Variants in CAB39L observed in about 807,000 individuals in gnomAD.
CAB39L encodes calcium binding protein 39 like, also known as calcium-binding protein 39-like.
A neutral mutation model predicts 39.1 loss-of-function variants in CAB39L; 23 were observed. The observed-to-expected ratio is 0.59, with a 90% confidence interval of 0.42 to 0.83. CAB39L has a LOEUF of 0.83. Among genes scored for constraint, CAB39L ranks in the 40% least tolerant of loss-of-function variants. The pLI is 0.00. For missense variants in CAB39L, 366 were observed against 391.9 expected (o/e 0.93, Z 0.56); for synonymous variants, 126 against 137.2 (o/e 0.92, Z 0.57).
At position 49,344,222 on chromosome 13, in the gene CAB39L, T is replaced by C. The variant is rs1955081815; in HGVS notation, c.581A>G (p.His194Arg). The change falls in exon 8 of 11, where the codon CAT becomes CGT. Residue 194 changes from histidine (H) to arginine (R), a missense_variant. Physicochemically the swap from His to Arg is conservative, Grantham distance 29. Transcript: ENST00000409308. The part of the protein sequence containing the change: ...FATFKDLLTR[H>R]KVLVADFLEQ... ...TAAGAAGTCTGCTACCAACACTTTA[T>C]GTCTGGTTAGTAAATCCTAGAAAAA... 3 of 1,596,586 alleles carry C rather than the reference T, an allele frequency of 1.9e-6. No homozygotes were observed. Among genetic ancestry groups the C allele is most frequent in the East Asian group, 2.2e-5 (1 of 44,746 alleles).
intron 10 of CAB39L, among the ~76,000 whole-genome samples, chr13:49,325,755 C>T (rs1954479776): frequency 6.6e-6 from 1 of 152,096 alleles, no homozygotes; most frequent in South Asian, 2.1e-4. Flanking sequence ...TGCCACTGCA[C>T]TCCAGCCTGG....
chr13:49,381,776 G>A (rs1381483269), intron 4 of CAB39L, among the ~76,000 whole-genome samples: 1 of 152,144 alleles, frequency 6.6e-6, no homozygotes, highest in Non-Finnish European at 1.5e-5. Flanking sequence ...CAAGGACATT[G>A]GGTTGTTTCC....
intron 3 of CAB39L, among the ~76,000 whole-genome samples, chr13:49,391,807 AAAAGG>A (rs1469287244): frequency 6.6e-6 from 1 of 152,196 alleles, no homozygotes; most frequent in African/African-American, 2.4e-5. Flanking sequence ...ATCAGGAATG[AAAAGG>A]AAAGTATAAA....
In CAB39L at chr13:49,348,368, G is replaced by A. The variant is rs548307550; in HGVS notation, c.564+2376C>T. ...GGATGGCTTGAGGTCAGGAGTTCGA[G>A]ACCAGCCTGGCCAACATGGCAAAAC... On this transcript the variant is annotated intron_variant, in intron 7 of 10. Transcript: ENST00000409308. Among the ~76,000 whole-genome samples, 4 of 152,262 alleles carry A rather than the reference G, an allele frequency of 2.6e-5. No homozygotes were observed. The South Asian group carries it at 8.3e-4, about 32-fold the overall frequency.
At chr13:49,339,847 T>C in intron 8 of CAB39L, 105 bp from the exon 9 acceptor site, 1 of 1,256,946 alleles carries the variant, frequency 8.0e-7, no homozygotes, top group Non-Finnish European at 1.0e-6. Context: ...CTTCTGGCCA[T>C]TTTACCATCC....
chr13:49,370,100 GA>G (rs1323378156), intron 5 of CAB39L, among the ~76,000 whole-genome samples: 2 of 152,110 alleles, frequency 1.3e-5, no homozygotes, highest in African/African-American at 4.8e-5. Flanking sequence ...TTCAGTAGCA[GA>G]AGTGGATAGG....
At chr13:49,356,131 T>C (rs1955477104) in intron 6 of CAB39L, among the ~76,000 whole-genome samples, 1 of 152,214 alleles carries the variant, frequency 6.6e-6, no homozygotes, top group Non-Finnish European at 1.5e-5. Context: ...GGAAACTTTA[T>C]AGTGGATTAG....
intron 3 of CAB39L, among the ~76,000 whole-genome samples, chr13:49,411,678 G>T (rs1449925822): frequency 6.6e-6 from 1 of 151,994 alleles, no homozygotes; most frequent in Non-Finnish European, 1.5e-5. Context: ...GTGTTGCATG[G>T]TTGCACAGTA....
rs556058933 is a variant in CAB39L at position 49,337,296 on chromosome 13, T to C, written c.690+2381A>G. ...ATAGGAAAAAATGACAATACAAGTG[T>C]GATGTTTAGCAAGCTGGACCATCAT... On this transcript the variant is annotated intron_variant, in intron 9 of 10. Transcript: ENST00000409308. 2.6e-5 allele frequency among the ~76,000 whole-genome samples: 4 copies of C among 152,326 alleles called. No individual in the cohort carries two copies. In the East Asian group the frequency reaches 7.7e-4, roughly 29 times the overall value.
At chr13:49,327,806 C>A (rs748041300) in intron 10 of CAB39L, among the ~76,000 whole-genome samples, 2 of 152,192 alleles carry the variant, frequency 1.3e-5, no homozygotes, top group South Asian at 2.1e-4. Flanking sequence ...TTGTGTAGCA[C>A]AATTTATTTT....
intron 9 of CAB39L, among the ~76,000 whole-genome samples, chr13:49,332,417 T>C (rs552028013): frequency 2.0e-5 from 3 of 152,308 alleles, no homozygotes; most frequent in African/African-American, 7.2e-5. Flanking sequence ...TATTGCTCCA[T>C]AGGCATTCAG....
intron 2 of CAB39L, 38 bp from the exon 3 acceptor site, chr13:49,433,431 TC>T (rs1218793303): frequency 2.3e-6 from 1 of 437,762 alleles, no homozygotes; most frequent in Non-Finnish European, 4.5e-6. Context: ...ATTTTTAAAG[TC>T]TTTATAGTAA....
At chr13:49,331,624 T>C (rs1954702778) in intron 10 of CAB39L, among the ~76,000 whole-genome samples, 1 of 152,202 alleles carries the variant, frequency 6.6e-6, no homozygotes, top group African/African-American at 2.4e-5. Context: ...ACAGTGCTTG[T>C]AGGAAGCAAA....
rs185117200 is a variant in CAB39L at position 49,331,535 on chromosome 13, C to T, written c.834+412G>A. 6.4e-4 allele frequency among the ~76,000 whole-genome samples: 98 copies of T among 152,140 alleles called. No homozygotes were observed. The East Asian group carries it at 0.016, about 25-fold the overall frequency. ...GTTACTTTTCTATCATAACAAAATA[C>T]ATTGTAAAAAAATAATAATATTAAT... On this transcript the variant is annotated intron_variant, in intron 10 of 10. Transcript: ENST00000409308.
chr13:49,364,700 C>T (rs897662242), intron 5 of CAB39L, among the ~76,000 whole-genome samples: 2 of 151,604 alleles, frequency 1.3e-5, no homozygotes, highest in Non-Finnish European at 2.9e-5. Context: ...ATAATAGCAA[C>T]AAATAAAATT....
At chr13:49,436,653 C>G (rs1248419053) in intron 1 of CAB39L, among the ~76,000 whole-genome samples, 1 of 142,854 alleles carries the variant, frequency 7.0e-6, no homozygotes, top group African/African-American at 2.6e-5. Context: ...ATAGCTGGAA[C>G]TACAGGCATG....
In CAB39L at chr13:49,366,614, C is replaced by T. The variant is rs1345007428; in HGVS notation, c.277-6782G>A. On this transcript the variant is annotated intron_variant, in intron 5 of 10. Coordinates refer to ENST00000409308, the MANE Select transcript of CAB39L (RefSeq NM_001079670.3). ...TGCACTCCAGCCTGGGCAACAAGAG[C>T]GAAACTCTGTCTAAAAAAAAAAAAA... Among the ~76,000 whole-genome samples the T allele has an allele frequency of 1.9e-4, 19 of 100,842 alleles. No homozygotes were observed. The South Asian group carries it at 3.4e-3, about 18-fold the overall frequency. 66.2% of individuals were successfully genotyped at this position (100,842 alleles called of 152,430 possible). A position where few individuals can be genotyped will look rare whatever the true frequency, so the allele number is the denominator to read the frequency against.
At chr13:49,400,487 T>C (rs531386062) in intron 3 of CAB39L, among the ~76,000 whole-genome samples, 1 of 151,056 alleles carries the variant, frequency 6.6e-6, no homozygotes. Context: ...CATGGTTATA[T>C]TAGCTCTTCA....
chr13:49,321,430 C>T lies in CAB39L; in HGVS notation c.835-10437G>A, dbSNP rs1954335541. ...TGGGCATTGTGCTAAACAGTTTATA[C>T]GAATTGTATTCTTTTATCTTGACAA... is the stretch of plus-strand genomic sequence containing the variant. On this transcript the variant is annotated intron_variant, in intron 10 of 10. Coordinates refer to ENST00000409308, the MANE Select transcript of CAB39L (RefSeq NM_001079670.3). Among the ~76,000 whole-genome samples, 4 of 152,160 alleles carry T rather than the reference C, an allele frequency of 2.6e-5. No individual in the cohort carries two copies. The South Asian group carries it at 8.3e-4, about 32-fold the overall frequency.
Sources: allele counts gnomAD v4.1 joint callset (sites outside exome capture counted in the v4.1 genomes callset), GRCh38; gene constraint gnomAD v4.1.1; transcripts MANE v1.5; gene names NCBI Gene and HGNC (gene_info 2026-07-23, HGNC 2026-07-21).